The following SLC34A3 variants were observed in gnomAD, a reference collection of about 807,000 sequenced individuals.
SLC34A3 encodes solute carrier family 34 member 3.
SLC34A3 carries 60 observed loss-of-function variants against 43.9 expected under a neutral mutation model. The observed-to-expected ratio is 1.37, with a 90% CI of 1.11 to 1.70. The LOEUF is 1.70. SLC34A3 is among the 40% of genes most tolerant of loss of function. The probability of loss-of-function intolerance (pLI) is 0.00; values close to 1 mark genes in which losing one functional copy is unlikely to be tolerated. For missense variants in SLC34A3, 969 were observed against 823.8 expected (o/e 1.18, Z -2.16); for synonymous variants, 451 against 386.2 (o/e 1.17, Z -1.97).
chr9:137,236,383 G>A lies in SLC34A3; in HGVS notation c.1767G>A (p.Glu589=), dbSNP rs1397811424. The A allele has an allele frequency of 1.9e-6, 3 of 1,538,594 alleles. No individual in the cohort carries two copies. In the Admixed American group the frequency reaches 5.9e-5, roughly 30 times the overall value. The change falls in exon 13 of 13, where the codon GAG becomes GAA. Residue 589 remains glutamate (E), a synonymous_variant. Coordinates refer to ENST00000673835, the MANE Select transcript of SLC34A3 (RefSeq NM_001177316.2). ...KATTKEAYCY[E]NPEILASQQL ...CCACCAAAGAGGCCTACTGCTACGAGAACCCTGAGATCTTGGCCTCCCAGC... is the reference window on the plus strand; with the variant it reads ...CCACCAAAGAGGCCTACTGCTACGAAAACCCTGAGATCTTGGCCTCCCAGC...
At position 137,233,666 on chromosome 9, in the gene SLC34A3, G is replaced by A. The variant is rs148072630; in HGVS notation, c.790G>A (p.Gly264Ser). ...DSDMIMSSAT[G>S]NATNSSLIKH... Reference sequence around the variant, plus strand: ...CGACATGATCATGAGCAGTGCCACAGGCAACGCCACTAACAGCAGTCTCAT... The same window carrying A: ...CGACATGATCATGAGCAGTGCCACAAGCAACGCCACTAACAGCAGTCTCAT... Residue 264 changes from glycine to serine, a missense_variant, in exon 8 of 13, where the codon GGC (glycine) becomes AGC (serine). Transcript: ENST00000673835. 3,994 of 1,612,782 alleles carry A rather than the reference G, an allele frequency of 2.5e-3. 2 individuals are homozygous for A. The highest frequency in any genetic ancestry group is 3.2e-3 in the Non-Finnish European group (3,791 of 1,179,950).
Position 137,234,809 on chromosome 9 carries a change from C to G in SLC34A3, c.1335+78C>G. On this transcript the variant is annotated intron_variant, in intron 12 of 12. Coordinates refer to ENST00000673835, the MANE Select transcript of SLC34A3 (RefSeq NM_001177316.2). This position sits in a 1 kb window ranked among gnomAD's most constrained non-coding sequence, Gnocchi z 6.9. ...ACAGACAGGAGTGTGTCACCAGCCCCGGGGCCCTAGGCTGGCTGTGCCCCC... is the reference window on the plus strand; with the variant it reads ...ACAGACAGGAGTGTGTCACCAGCCCGGGGGCCCTAGGCTGGCTGTGCCCCC... 6.3e-7 allele frequency: 1 copy of G among 1,592,134 alleles called. No individual in the cohort carries two copies. Among genetic ancestry groups the G allele is most frequent in the Non-Finnish European group, 8.5e-7 (1 of 1,175,386 alleles).
chr9:137,232,535 G>A (rs747099401), intron 3 of SLC34A3, 40 bp from the exon 4 acceptor site: 1 of 1,609,290 alleles, frequency 6.2e-7, no homozygotes, highest in Non-Finnish European at 8.5e-7. Context: ...ACCTGTCAGG[G>A]TGGAGGGCCA....
At chr9:137,229,885 G>C (rs559742836), upstream of SLC34A3, among the ~76,000 whole-genome samples, 4 of 152,264 alleles carry the variant, frequency 2.6e-5, no homozygotes, top group Admixed American at 2.6e-4. Context: ...TTACCACCAA[G>C]TCAGTGCTGC....
rs576714301 is a variant in SLC34A3, at chr9:137,232,673, G to A, written c.274G>A (p.Val92Ile). The change falls in exon 4 of 13, where the codon GTC (valine) becomes ATC (isoleucine). Residue 92 changes from valine (V) to isoleucine (I), a missense_variant. Val to Ile is a conservative substitution (Grantham distance 29). Transcript: ENST00000673835. ...GTACTTCTTCATCTGCTCTCTGGACGTCCTCAGCTCCGCCTTCCAGCTGCT... is the reference window on the plus strand; with the variant it reads ...GTACTTCTTCATCTGCTCTCTGGACATCCTCAGCTCCGCCTTCCAGCTGCT... ...SLYFFICSLD[V>I]LSSAFQLLGS... 167 of 1,612,836 alleles carry A rather than the reference G, an allele frequency of 1.0e-4. 2 individuals carry two copies. The highest frequency in any genetic ancestry group is 4.9e-4 in the South Asian group (45 of 91,092).
At position 137,233,716 on chromosome 9, in the gene SLC34A3, G is replaced by A; in HGVS notation, c.840G>A (p.Gly280=). Residue 280 remains glycine (G), a synonymous_variant, in exon 8 of 13, where the codon GGG becomes GGA. Transcript: ENST00000673835. ...SLIKHWCGTT[G]QPTQENSSCG... Reference sequence around the variant, plus strand: ...TTAAGCACTGGTGCGGCACCACGGGGCAGCCGGTGAGGCACCCAACCCTAG... The same window carrying A: ...TTAAGCACTGGTGCGGCACCACGGGACAGCCGGTGAGGCACCCAACCCTAG... 1 of 1,612,474 alleles carries A rather than the reference G, an allele frequency of 6.2e-7. No homozygotes were observed. Among genetic ancestry groups the A allele is most frequent in the Non-Finnish European group, 8.5e-7 (1 of 1,179,900 alleles).
intron 2 of SLC34A3, 41 bp downstream of exon 2, chr9:137,231,828 C>T (rs376660852): frequency 6.0e-5 from 91 of 1,518,232 alleles, no homozygotes; most frequent in Non-Finnish European, 7.7e-5. Context: ...ACCAGTCTGA[C>T]CACCCACCCC....
rs770512155 is a variant in SLC34A3, at chr9:137,233,299, G to C, written c.651G>C (p.Glu217Asp). The C allele has an allele frequency of 1.3e-6, 2 of 1,594,608 alleles. No individual in the cohort carries two copies. Among genetic ancestry groups the C allele is most frequent in the Non-Finnish European group, 1.7e-6 (2 of 1,171,182 alleles). The change falls in exon 7 of 13, where the codon GAG becomes GAC. Residue 217 changes from glutamate (E) to aspartate (D), a missense_variant. Physicochemically the swap from Glu to Asp is conservative, Grantham distance 45 (BLOSUM62 2). Coordinates refer to ENST00000673835, the MANE Select transcript of SLC34A3 (RefSeq NM_001177316.2). Reference protein sequence around the residue: ...LPLESATALLERLSELALGAA... With the variant: ...LPLESATALLDRLSELALGAA... ...TGGAGAGCGCCACGGCCCTGCTGGAGAGGCTAAGTGAGCTAGCCCTGGGTG... is the reference window on the plus strand; with the variant it reads ...TGGAGAGCGCCACGGCCCTGCTGGACAGGCTAAGTGAGCTAGCCCTGGGTG...
chr9:137,231,893 C>A, intron 2 of SLC34A3, 106 bp downstream of exon 2: 2 of 1,195,432 alleles, frequency 1.7e-6, no homozygotes, highest in Non-Finnish European at 2.5e-6. Context: ...GGGGAACCCA[C>A]AGGGCTCATG....
At chr9:137,231,560 C>T (rs760850836) in intron 1 of SLC34A3, 104 bp from the exon 2 acceptor site, 106 of 750,524 alleles carry the variant, frequency 1.4e-4, no homozygotes, top group Middle Eastern at 7.1e-4. Flanking sequence ...GGGAGGGTGG[C>T]GGCCAAGGGC....
At position 137,233,685 on chromosome 9, in the gene SLC34A3, G is replaced by C. The variant is rs370393641; in HGVS notation, c.809G>C (p.Ser270Thr). 1.2e-6 allele frequency: 2 copies of C among 1,612,642 alleles called. No homozygotes were observed. The highest frequency in any genetic ancestry group is 2.7e-5 in the African/African-American group (2 of 74,894). Residue 270 changes from serine (S) to threonine (T), a missense_variant, in exon 8 of 13, where the codon AGT (serine) becomes ACT (threonine). Physicochemically the swap from Ser to Thr is moderately conservative, Grantham distance 58. Coordinates refer to ENST00000673835, the MANE Select transcript of SLC34A3 (RefSeq NM_001177316.2). The part of the protein sequence containing the change: ...SSATGNATNS[S>T]LIKHWCGTTG... The stretch of plus-strand genomic sequence containing the variant: ...GCCACAGGCAACGCCACTAACAGCA[G>C]TCTCATTAAGCACTGGTGCGGCACC...
At chr9:137,233,779 T>TTGGGCCCCCCCCCCCCCCCCCCCA in intron 8 of SLC34A3, 57 bp downstream of exon 8, 1 of 1,445,820 alleles carries the variant, frequency 6.9e-7, no homozygotes, top group Non-Finnish European at 9.6e-7. Flanking sequence ...TGCTGAGTCA[T>TTGGGCCCCCCCCCCCCCCCCCCCA]CCCGCCCCAC....
chr9:137,232,893 C>T lies in SLC34A3; in HGVS notation c.414C>T (p.Ser138=), dbSNP rs753337291. The change falls in exon 5 of 13, where the codon TCC becomes TCT. Residue 138 remains serine, a synonymous_variant. Coordinates refer to ENST00000673835, the MANE Select transcript of SLC34A3 (RefSeq NM_001177316.2). Reference sequence around the variant, plus strand: ...CCCTGGTGCAGAGTTCCAGCACGTCCTCCTCCATCGTGGTCAGCATGGTGG... The same window carrying T: ...CCCTGGTGCAGAGTTCCAGCACGTCTTCCTCCATCGTGGTCAGCATGGTGG... ...VTALVQSSST[S]SSIVVSMVAA... is the part of the protein sequence containing the mutation. 1 of 1,610,158 alleles carries T rather than the reference C, an allele frequency of 6.2e-7. No individual in the cohort carries two copies. Among genetic ancestry groups the T allele is most frequent in the East Asian group, 2.2e-5 (1 of 44,630 alleles).
At position 137,235,358 on chromosome 9, in the gene SLC34A3, C is replaced by T. The variant is rs567543706; in HGVS notation, c.1336-594C>T. Among the ~76,000 whole-genome samples the T allele has an allele frequency of 1.3e-4, 20 of 152,286 alleles. No homozygotes were observed. The East Asian group carries it at 1.9e-3, about 15-fold the overall frequency. ...CCCGAAACTCCGGGTCATGCTGCACCGCCGCTGACAGGAAGAGACAAGTGC... is the reference window on the plus strand; with the variant it reads ...CCCGAAACTCCGGGTCATGCTGCACTGCCGCTGACAGGAAGAGACAAGTGC... On this transcript the variant is annotated intron_variant, in intron 12 of 12. Coordinates refer to ENST00000673835, the MANE Select transcript of SLC34A3 (RefSeq NM_001177316.2).
At chr9:137,235,539 G>T (rs1353806416) in intron 12 of SLC34A3, among the ~76,000 whole-genome samples, 4 of 152,204 alleles carry the variant, frequency 2.6e-5, no homozygotes, top group African/African-American at 9.7e-5. Flanking sequence ...CCCTGGAGGG[G>T]CCCGTGACAC....
chr9:137,231,651 T>TC lies in SLC34A3; in HGVS notation c.-39-6dup, dbSNP rs527638280. On this transcript the variant is annotated splice_polypyrimidine_tract_variant and intron_variant, in intron 1 of 12. Coordinates refer to ENST00000673835, the MANE Select transcript of SLC34A3 (RefSeq NM_001177316.2). ...GGAGGAAATGTCTCTGACACGCGCGTCCCCCCCAGCAGATCTAGACCTGGG... is the reference window on the plus strand; with the variant it reads ...GGAGGAAATGTCTCTGACACGCGCGTCCCCCCCCAGCAGATCTAGACCTGGG... The TC allele has an allele frequency of 9.2e-5, 132 of 1,431,840 alleles. No homozygotes were observed. In the South Asian group the frequency reaches 1.0e-3, roughly 11 times the overall value. 88.7% of individuals were successfully genotyped at this position (1,431,840 alleles called of 1,614,324 possible).
At chr9:137,235,879 A>G (rs1041844868) in intron 12 of SLC34A3, 73 bp from the exon 13 acceptor site, 21 of 1,325,864 alleles carry the variant, frequency 1.6e-5, no homozygotes, top group Non-Finnish European at 2.1e-5. Context: ...AGGGTGGAGG[A>G]GGGCAGGGGT....
chr9:137,233,376 C>G lies in SLC34A3; in HGVS notation c.728C>G (p.Thr243Arg). ...AQAPDILKVL[T>R]KPLTHLIVQL... The stretch of plus-strand genomic sequence containing the variant: ...GCGCCCGACATCCTCAAGGTGCTGA[C>G]GAAGCCGCTCACACACCTCATCGTG... The change falls in exon 7 of 13, where the codon ACG becomes AGG. Residue 243 changes from threonine (T) to arginine (R), a missense_variant. Thr to Arg is a moderately conservative substitution (Grantham distance 71). Transcript: ENST00000673835. 3 of 1,605,356 alleles carry G rather than the reference C, an allele frequency of 1.9e-6. No individual in the cohort carries two copies. Among genetic ancestry groups the G allele is most frequent in the South Asian group, 2.2e-5 (2 of 90,306 alleles).
rs749922030 is a variant in SLC34A3 at position 137,234,271 on chromosome 9, A to G, written c.1088A>G (p.Asn363Ser). The change falls in exon 10 of 13, where the codon AAT (asparagine) becomes AGT (serine). Residue 363 changes from asparagine (N) to serine (S), a missense_variant. Asn to Ser is a conservative substitution (Grantham distance 46). Transcript: ENST00000673835. The surrounding 1 kb of genome is among the most constrained non-coding windows in gnomAD (Gnocchi z 6.9). ...RVAQVVRTVINADFPFPLGWL... is the reference protein window; with the variant it reads ...RVAQVVRTVISADFPFPLGWL... The stretch of plus-strand genomic sequence containing the variant: ...GCCCAGGTCGTGAGGACAGTCATCA[A>G]TGCGGGTGAGGGCGTGGGAGGAGGT... The G allele has an allele frequency of 1.9e-6, 3 of 1,610,824 alleles. No individual in the cohort carries two copies. The highest frequency in any genetic ancestry group is 2.5e-6 in the Non-Finnish European group (3 of 1,179,530).
Sources: allele counts gnomAD v4.1 joint callset (sites outside exome capture counted in the v4.1 genomes callset), GRCh38; gene constraint gnomAD v4.1.1; non-coding constraint Gnocchi (gnomAD v3.1); transcripts MANE v1.5; gene names NCBI Gene and HGNC (gene_info 2026-07-23, HGNC 2026-07-21).